SYT1: variants seen among roughly 807,000 people sequenced by gnomAD.
SYT1 encodes synaptotagmin-1.
In SYT1, 8 loss-of-function variants were observed where a neutral mutation model predicts 44.8. The ratio of observed to expected loss-of-function variants is 0.18; its 90% CI spans 0.10 to 0.32. SYT1 has a LOEUF of 0.32. Ranked by LOEUF, SYT1 falls within the 10% of genes least tolerant of loss-of-function variation. The pLI is 1.00. For synonymous variants in SYT1, 154 were observed against 188.8 expected (o/e 0.82, Z 1.51); for missense variants, 286 against 509.3 (o/e 0.56, Z 4.22).
intron 3 of SYT1, among the ~76,000 whole-genome samples, chr12:79,188,479 T>C (rs889886636): frequency 6.6e-6 from 1 of 152,148 alleles, no homozygotes; most frequent in Non-Finnish European, 1.5e-5. Flanking sequence ...TTCTCAGGAC[T>C]TAGATTGTTT....
At chr12:79,110,359 T>A (rs1257160207) in intron 3 of SYT1, among the ~76,000 whole-genome samples, 1 of 152,226 alleles carries the variant, frequency 6.6e-6, no homozygotes, top group African/African-American at 2.4e-5. Flanking sequence ...AGCTTTTTCA[T>A]ATTGCTATGG....
intron 2 of SYT1, among the ~76,000 whole-genome samples, chr12:79,017,665 G>A (rs1322913011): frequency 2.0e-5 from 3 of 152,006 alleles, no homozygotes; most frequent in African/African-American, 7.2e-5. Flanking sequence ...GGAAGAGGTT[G>A]GAAATATAAA....
intron 3 of SYT1, among the ~76,000 whole-genome samples, chr12:79,071,926 A>T (rs1340882788): frequency 2.6e-5 from 4 of 152,144 alleles, no homozygotes; most frequent in African/African-American, 9.7e-5. Flanking sequence ...TCTTTTTAAG[A>T]GGCACAATTC....
intron 9 of SYT1, among the ~76,000 whole-genome samples, chr12:79,391,661 T>C (rs149219526): frequency 7.2e-5 from 11 of 152,316 alleles, no homozygotes; most frequent in African/African-American, 2.6e-4. Context: ...TTTGTAATCA[T>C]TGAAATAGAA....
At chr12:79,145,454 T>C (rs530342109) in intron 3 of SYT1, among the ~76,000 whole-genome samples, 1 of 152,276 alleles carries the variant, frequency 6.6e-6, no homozygotes, top group African/African-American at 2.4e-5. Context: ...ACTTTAATAA[T>C]TTTTTATCTA....
chr12:79,251,170 T>C (rs1055968802), intron 4 of SYT1, among the ~76,000 whole-genome samples: 2 of 152,166 alleles, frequency 1.3e-5, no homozygotes, highest in African/African-American at 4.8e-5. Context: ...CATTTTGCCC[T>C]GGAGGAATGA....
intron 3 of SYT1, among the ~76,000 whole-genome samples, chr12:79,079,482 A>G (rs1015726881): frequency 6.6e-6 from 1 of 152,142 alleles, no homozygotes; most frequent in Admixed American, 6.6e-5. Flanking sequence ...CCACTAATAC[A>G]GATTATCATC....
In SYT1 at chr12:79,045,296, G is replaced by A. The variant is rs989380594; in HGVS notation, c.-83-2001G>A. Among the ~76,000 whole-genome samples the A allele has an allele frequency of 3.3e-5, 5 of 152,332 alleles. No homozygotes were observed. In the East Asian group the frequency reaches 5.8e-4, roughly 18 times the overall value. ...AGACTACGTGGGCGTAGGACCCGCC[G>A]AGCCAGGTGCGGGATATAATCTCGT... On this transcript the variant is annotated intron_variant, in intron 2 of 10. Coordinates refer to ENST00000261205, the MANE Select transcript of SYT1 (RefSeq NM_005639.3).
chr12:79,354,042 G>A (rs771086536), intron 9 of SYT1, among the ~76,000 whole-genome samples: 3 of 152,054 alleles, frequency 2.0e-5, no homozygotes, highest in Admixed American at 6.6e-5. Context: ...TAGTTCCTAC[G>A]ATACCATTTA....
At chr12:79,019,596 C>G (rs1254636074) in intron 2 of SYT1, among the ~76,000 whole-genome samples, 1 of 151,946 alleles carries the variant, frequency 6.6e-6, no homozygotes, top group East Asian at 1.9e-4. Context: ...TATGATTCAT[C>G]TGCCTGGTTG....
At chr12:79,086,442 T>C (rs568135004) in intron 3 of SYT1, among the ~76,000 whole-genome samples, 5 of 152,312 alleles carry the variant, frequency 3.3e-5, no homozygotes, top group African/African-American at 1.2e-4. Flanking sequence ...AAAAATATTT[T>C]CTGCAGATTA....
chr12:79,312,902 A>G (rs763109358), intron 8 of SYT1, among the ~76,000 whole-genome samples: 5 of 151,996 alleles, frequency 3.3e-5, no homozygotes, highest in Non-Finnish European at 7.4e-5. Context: ...ACTGTTTTGC[A>G]TATGACTGCT....
At chr12:79,414,522 C>T (rs1206940289) in intron 9 of SYT1, among the ~76,000 whole-genome samples, 1 of 152,156 alleles carries the variant, frequency 6.6e-6, no homozygotes, top group Non-Finnish European at 1.5e-5. Context: ...GTGTAATCTT[C>T]TCTCCTTTAT....
At chr12:79,054,295 T>A (rs1387796669) in intron 3 of SYT1, among the ~76,000 whole-genome samples, 4 of 152,044 alleles carry the variant, frequency 2.6e-5, no homozygotes, top group Admixed American at 1.3e-4. Context: ...ACACGTTACT[T>A]TTCTTTTCTA....
intron 4 of SYT1, among the ~76,000 whole-genome samples, chr12:79,262,933 C>T (rs774691342): frequency 3.5e-4 from 53 of 152,194 alleles, no homozygotes; most frequent in Non-Finnish European, 6.8e-4. Context: ...AAGAGAAAAC[C>T]GAGGCATAAG....
intron 4 of SYT1, among the ~76,000 whole-genome samples, chr12:79,271,122 C>T (rs1383355068): frequency 2.6e-5 from 4 of 152,258 alleles, no homozygotes; most frequent in African/African-American, 9.6e-5. Flanking sequence ...AAAGATTTTC[C>T]TTTTTAAAAT....
intron 3 of SYT1, among the ~76,000 whole-genome samples, chr12:79,173,317 G>C: frequency 6.6e-6 from 1 of 152,014 alleles, no homozygotes; most frequent in Non-Finnish European, 1.5e-5. Context: ...TTAGGAGGTA[G>C]GCAGATGGAC....
At chr12:79,222,062 T>C (rs1293071680) in intron 4 of SYT1, among the ~76,000 whole-genome samples, 2 of 152,218 alleles carry the variant, frequency 1.3e-5, no homozygotes, top group Non-Finnish European at 2.9e-5. Context: ...ATAGCTTTGC[T>C]GGGTACACTA....
chr12:79,296,416 G>A (rs557452013), intron 7 of SYT1, among the ~76,000 whole-genome samples, 180 bp downstream of exon 7: 11 of 152,224 alleles, frequency 7.2e-5, no homozygotes, highest in Middle Eastern at 6.8e-3. Flanking sequence ...GCCTTTCAGC[G>A]TGTTCAGAGT....
Sources: allele counts gnomAD v4.1 joint callset (sites outside exome capture counted in the v4.1 genomes callset), GRCh38; gene constraint gnomAD v4.1.1; transcripts MANE v1.5; gene names NCBI Gene and HGNC (gene_info 2026-07-23, HGNC 2026-07-21).